Variants in RASGRF2 observed in about 807,000 individuals in gnomAD.
The protein encoded by RASGRF2 is Ras protein specific guanine nucleotide releasing factor 2.
RASGRF2 carries 76 observed loss-of-function variants against 151.0 expected under a neutral mutation model. The ratio of observed to expected loss-of-function variants is 0.50; its 90% CI spans 0.42 to 0.61. The LOEUF is 0.61. Ranked by LOEUF, RASGRF2 falls within the 20% of genes least tolerant of loss-of-function variation. RASGRF2 has a pLI of 0.00. For missense variants in RASGRF2, 1,148 were observed against 1,564.6 expected, an observed-to-expected ratio of 0.73 and a Z score of 4.49; for synonymous variants, 504 against 566.5, an observed-to-expected ratio of 0.89 and a Z score of 1.57.
Position 81,055,594 on chromosome 5 carries a change from T to C in RASGRF2, c.396-12438T>C, listed in dbSNP as rs1751175937. ...GGATATTGGTCTAAAACCCTCTTTT[T>C]TGTGTGTGTGTCTCTGCCAGGCTTT... On this transcript the variant is annotated intron_variant, in intron 2 of 26. Transcript: ENST00000265080. Among the ~76,000 whole-genome samples the C allele has an allele frequency of 4.6e-5, 7 of 152,264 alleles. No homozygotes were observed. In the South Asian group the frequency reaches 1.5e-3, roughly 32 times the overall value.
intron 15 of RASGRF2, among the ~76,000 whole-genome samples, chr5:81,118,276 A>G (rs977074803): frequency 6.6e-6 from 1 of 152,194 alleles, no homozygotes; most frequent in Admixed American, 6.5e-5. Flanking sequence ...CAGCTTGTGC[A>G]TTCTGTGCAC....
At chr5:81,136,770 C>G (rs774258306) in intron 17 of RASGRF2, among the ~76,000 whole-genome samples, 10 of 151,962 alleles carry the variant, frequency 6.6e-5, no homozygotes, top group Non-Finnish European at 1.2e-4. Context: ...TCCCACAGTT[C>G]TTGTATGTGC....
At chr5:81,215,227 T>G (rs981389905) in intron 23 of RASGRF2, among the ~76,000 whole-genome samples, 21 of 152,062 alleles carry the variant, frequency 1.4e-4, no homozygotes, top group African/African-American at 5.1e-4. Flanking sequence ...TAAATTCCAC[T>G]TGTCAAAAAT....
chr5:81,023,672 G>A (rs1749908481), intron 1 of RASGRF2, among the ~76,000 whole-genome samples: 1 of 152,198 alleles, frequency 6.6e-6, no homozygotes, highest in Non-Finnish European at 1.5e-5. Context: ...TTAACCTTTG[G>A]ATGTACTCTG....
intron 1 of RASGRF2, chr5:80,997,946 G>A (rs55825089): frequency 0.33 from 47,617 of 144,896 alleles, 8,531 homozygotes; most frequent in Middle Eastern, 0.51. Flanking sequence ...TCCAGCCTGG[G>A]AGACAGAGCA....
At chr5:81,045,243 A>G (rs1405174841) in intron 2 of RASGRF2, among the ~76,000 whole-genome samples, 2 of 152,210 alleles carry the variant, frequency 1.3e-5, no homozygotes, top group Non-Finnish European at 2.9e-5. Flanking sequence ...GAGTTAAAAT[A>G]CATAATTTAA....
intron 18 of RASGRF2, among the ~76,000 whole-genome samples, chr5:81,197,462 C>CAAAAAAA (rs10674027): frequency 1.4e-4 from 9 of 63,708 alleles, no homozygotes; most frequent in African/African-American, 2.7e-4. Context: ...GACTCCGTCT[C>CAAAAAAA]AAAAAAAAAA....
intron 1 of RASGRF2, among the ~76,000 whole-genome samples, chr5:81,037,974 G>T (rs1364394329): frequency 6.6e-6 from 1 of 152,132 alleles, no homozygotes; most frequent in Admixed American, 6.5e-5. Flanking sequence ...TTATGGAAAT[G>T]ATATCATACT....
intron 12 of RASGRF2, 136 bp downstream of exon 12, chr5:81,095,128 T>C (rs1195269632): frequency 1.8e-6 from 1 of 565,948 alleles, no homozygotes; most frequent in Non-Finnish European, 2.7e-6. Flanking sequence ...AATCACTATG[T>C]ATCTTGATAA....
At chr5:81,165,729 C>T (rs377635552) in intron 17 of RASGRF2, among the ~76,000 whole-genome samples, 32 of 152,188 alleles carry the variant, frequency 2.1e-4, no homozygotes, top group African/African-American at 6.5e-4. Flanking sequence ...CTCTGCTGCT[C>T]GTGCCAAAGC....
At chr5:81,053,282 C>A (rs952427822) in intron 2 of RASGRF2, among the ~76,000 whole-genome samples, 3 of 126,982 alleles carry the variant, frequency 2.4e-5, no homozygotes, top group Non-Finnish European at 3.3e-5. Context: ...CCCCTCCCCC[C>A]ACCCCATGAC....
At chr5:81,192,372 T>C (rs1035062009) in intron 18 of RASGRF2, among the ~76,000 whole-genome samples, 9 of 152,386 alleles carry the variant, frequency 5.9e-5, no homozygotes, top group African/African-American at 1.9e-4. Context: ...TCCAAACTTA[T>C]TGCCCTTCCT....
chr5:81,165,707 G>C (rs1052648962), intron 17 of RASGRF2, among the ~76,000 whole-genome samples: 1 of 152,164 alleles, frequency 6.6e-6, no homozygotes, highest in Non-Finnish European at 1.5e-5. Context: ...CCCACCTGCT[G>C]GTCCTGTGTG....
chr5:80,996,113 AT>A (rs1412606569), intron 1 of RASGRF2, among the ~76,000 whole-genome samples: 1 of 151,346 alleles, frequency 6.6e-6, no homozygotes, highest in African/African-American at 2.4e-5. Flanking sequence ...TTAAATCACT[AT>A]TTTTTATTGC....
chr5:81,074,749 T>A (rs1342173543), intron 5 of RASGRF2, among the ~76,000 whole-genome samples: 1 of 152,040 alleles, frequency 6.6e-6, no homozygotes, highest in Admixed American at 6.6e-5. Context: ...ATAGCAGGTT[T>A]TCAGAAAAGT....
chr5:81,179,063 A>G (rs999797155), intron 17 of RASGRF2, among the ~76,000 whole-genome samples: 1 of 152,220 alleles, frequency 6.6e-6, no homozygotes. Flanking sequence ...GAGGTTTGCC[A>G]CTGAAGTTAT....
rs146892468 is a variant in RASGRF2 at position 81,187,813 on chromosome 5, C to T, written c.2793+7532C>T. On this transcript the variant is annotated intron_variant, in intron 18 of 26. Coordinates refer to ENST00000265080, the MANE Select transcript of RASGRF2 (RefSeq NM_006909.3). ...GTGAGTGGACATAGTTCATCTCTTC[C>T]GTTTCTTATTTTGACAGATGACAGG... is the stretch of plus-strand genomic sequence containing the variant. Among the ~76,000 whole-genome samples, 87 of 152,262 alleles carry T rather than the reference C, an allele frequency of 5.7e-4. No individual in the cohort carries two copies. In the East Asian group the frequency reaches 0.011, roughly 20 times the overall value.
intron 1 of RASGRF2, among the ~76,000 whole-genome samples, chr5:80,996,598 T>G (rs1328467255): frequency 2.7e-5 from 3 of 111,346 alleles, no homozygotes; most frequent in Admixed American, 1.0e-4. Context: ...CTTTCTTTTT[T>G]TTTTTTTGAC....
In RASGRF2 at chr5:81,112,736, G is replaced by T. The variant is rs142849177; in HGVS notation, c.1965G>T (p.Arg655=). Residue 655 remains arginine (R), a synonymous_variant, in exon 14 of 27, where the codon CGG becomes CGT. Coordinates refer to ENST00000265080, the MANE Select transcript of RASGRF2 (RefSeq NM_006909.3). The stretch of plus-strand genomic sequence containing the variant: ...TCTTGGAACGACTGACAGACTTGCG[G>T]TTTCTTAGTATTGATTTCCTCAACA... ...ERLLERLTDL[R]FLSIDFLNTF... The T allele has an allele frequency of 2.8e-5, 45 of 1,614,046 alleles. No individual in the cohort carries two copies. The African/African-American group carries it at 5.9e-4, about 21-fold the overall frequency.
Sources: gnomAD v4.1 joint callset for allele counts (sites outside exome capture counted in the v4.1 genomes callset) on GRCh38, gnomAD v4.1.1 for gene constraint, MANE v1.5 for transcripts, NCBI Gene and HGNC (gene_info 2026-07-23, HGNC 2026-07-21) for gene names.